ADCY2: variants seen among roughly 807,000 people sequenced by gnomAD.
The protein encoded by ADCY2 is adenylate cyclase 2, also known as adenylate cyclase type 2.
ADCY2 carries 31 observed loss-of-function variants against 125.2 expected under a neutral mutation model. The observed-to-expected ratio is 0.25, with a 90% confidence interval of 0.19 to 0.33. The LOEUF (loss-of-function observed/expected upper bound fraction) is 0.33. Among genes scored for constraint, ADCY2 ranks in the 10% least tolerant of loss-of-function variants. The pLI, the probability that ADCY2 is intolerant of heterozygous loss-of-function variation, is 1.00. For synonymous variants in ADCY2, 512 were observed against 548.4 expected (o/e 0.93, Z 0.93); for missense variants, 904 against 1,418.2 (o/e 0.64, Z 5.82).
chr5:7,488,920 A>G (rs1479420784), intron 2 of ADCY2, among the ~76,000 whole-genome samples: 1 of 152,198 alleles, frequency 6.6e-6, no homozygotes, highest in Non-Finnish European at 1.5e-5. Context: ...CGAGGGACCC[A>G]TGAATGAGCC....
At chr5:7,528,559 G>T (rs1734546953) in intron 3 of ADCY2, among the ~76,000 whole-genome samples, 1 of 152,098 alleles carries the variant, frequency 6.6e-6, no homozygotes, top group Non-Finnish European at 1.5e-5. Context: ...TAAAAAAGAA[G>T]AATTTATTTA....
chr5:7,805,728 G>A (rs1744740467), intron 22 of ADCY2, among the ~76,000 whole-genome samples: 1 of 152,318 alleles, frequency 6.6e-6, no homozygotes, highest in African/African-American at 2.4e-5. Context: ...GAGAGAGGCA[G>A]CAGGCACCAT....
intron 15 of ADCY2, among the ~76,000 whole-genome samples, chr5:7,748,870 A>G (rs1056514626): frequency 6.6e-6 from 1 of 152,208 alleles, no homozygotes; most frequent in African/African-American, 2.4e-5. Context: ...TTGACAGTTT[A>G]ATAGAACCGG....
intron 2 of ADCY2, among the ~76,000 whole-genome samples, chr5:7,439,057 T>C (rs547087511): frequency 3.3e-5 from 5 of 152,350 alleles, no homozygotes; most frequent in African/African-American, 1.2e-4. Flanking sequence ...ATTTCTCTGT[T>C]GTTGGTGTGA....
intron 17 of ADCY2, among the ~76,000 whole-genome samples, chr5:7,771,875 G>A (rs1211259132): frequency 1.3e-5 from 2 of 152,176 alleles, no homozygotes; most frequent in African/African-American, 2.4e-5. Context: ...TAAGATCTAT[G>A]TTTTATTAAA....
intron 11 of ADCY2, among the ~76,000 whole-genome samples, chr5:7,714,763 C>G (rs993739243): frequency 3.9e-5 from 6 of 152,242 alleles, no homozygotes; most frequent in Admixed American, 3.9e-4. Flanking sequence ...AGTTCTGAGT[C>G]AGACTTACCC....
intron 3 of ADCY2, among the ~76,000 whole-genome samples, chr5:7,597,025 G>A (rs1561117014): frequency 6.6e-6 from 1 of 152,206 alleles, no homozygotes; most frequent in East Asian, 1.9e-4. Flanking sequence ...CACTTTTTGA[G>A]CTCCTGTAAG....
intron 2 of ADCY2, among the ~76,000 whole-genome samples, chr5:7,507,099 G>A (rs982882567): frequency 6.6e-6 from 1 of 151,322 alleles, no homozygotes; most frequent in Non-Finnish European, 1.5e-5. Flanking sequence ...CACGCGGGAG[G>A]GCTTGTGTTC....
chr5:7,741,352 C>G (rs150486154), intron 14 of ADCY2, among the ~76,000 whole-genome samples: 2 of 152,168 alleles, frequency 1.3e-5, no homozygotes, highest in African/African-American at 4.8e-5. Context: ...TCCTCAACTT[C>G]CCTGTGTATC....
intron 3 of ADCY2, among the ~76,000 whole-genome samples, chr5:7,531,863 G>A (rs1319861232): frequency 1.3e-5 from 2 of 152,178 alleles, no homozygotes; most frequent in South Asian, 4.1e-4. Flanking sequence ...ACTTTTGAGC[G>A]AGTCTACTTT....
intron 4 of ADCY2, among the ~76,000 whole-genome samples, chr5:7,656,642 G>A (rs143298867): frequency 2.0e-5 from 3 of 152,254 alleles, no homozygotes; most frequent in South Asian, 4.1e-4. Context: ...CATAGCACTC[G>A]AACCAGAGTA....
intron 3 of ADCY2, chr5:7,522,279 TC>T (rs1744471991): frequency 6.6e-6 from 1 of 152,230 alleles, no homozygotes; most frequent in Admixed American, 6.5e-5. Flanking sequence ...GTACATTACA[TC>T]CCCAGCACTT....
intron 22 of ADCY2, among the ~76,000 whole-genome samples, chr5:7,808,201 A>G (rs1744814827): frequency 6.6e-6 from 1 of 151,892 alleles, no homozygotes; most frequent in Admixed American, 6.6e-5. Flanking sequence ...TCCTTTCTTC[A>G]CTGTTTGCTA....
intron 15 of ADCY2, among the ~76,000 whole-genome samples, chr5:7,750,019 G>C (rs182767196): frequency 4.7e-4 from 72 of 152,216 alleles, no homozygotes; most frequent in Admixed American, 9.2e-4. Context: ...AAAGGATATA[G>C]GTTTTAGGTG....
intron 2 of ADCY2, among the ~76,000 whole-genome samples, chr5:7,457,489 G>C (rs1741727798): frequency 6.6e-6 from 1 of 152,124 alleles, no homozygotes; most frequent in Non-Finnish European, 1.5e-5. Flanking sequence ...CGCATTCAAG[G>C]CCTCAGAAGC....
At chr5:7,510,709 C>T (rs982428897) in intron 2 of ADCY2, among the ~76,000 whole-genome samples, 1 of 152,188 alleles carries the variant, frequency 6.6e-6, no homozygotes, top group Non-Finnish European at 1.5e-5. Context: ...GATGGTGCAG[C>T]TCTCCAGGTA....
intron 22 of ADCY2, among the ~76,000 whole-genome samples, chr5:7,816,581 T>C (rs970104513): frequency 3.9e-5 from 6 of 152,250 alleles, no homozygotes; most frequent in African/African-American, 1.4e-4. Flanking sequence ...ATTTCTGGAC[T>C]AATACGATAC....
At position 7,695,732 on chromosome 5, in the gene ADCY2, C is replaced by A. The variant is rs11134251; in HGVS notation, c.870-20C>A. The A allele has an allele frequency of 0.48, 726,177 of 1,505,020 alleles. 180,485 individuals are homozygous for A. The highest frequency in any genetic ancestry group is 0.82 in the East Asian group (35,534 of 43,390). The allele number at this position is 1,505,020 out of a possible 1,614,324, so 93.2% of individuals were successfully genotyped here. ...TATAAACTGGAAAACTCTGTCTCCT[C>A]ACCTCCTTTCTTCCCACAGCATCTT... is the stretch of plus-strand genomic sequence containing the variant. On this transcript the variant is annotated intron_variant, in intron 5 of 24. Coordinates refer to ENST00000338316, the MANE Select transcript of ADCY2 (RefSeq NM_020546.3).
chr5:7,722,960 CAAAAAAAAAAAAA>C (rs60426818), intron 12 of ADCY2, among the ~76,000 whole-genome samples: 4 of 51,632 alleles, frequency 7.7e-5, no homozygotes, highest in South Asian at 2.0e-3. Flanking sequence ...AACTCCATCT[CAAAAAAAAAAAAA>C]AAAAAAAAAA....
Sources: allele counts gnomAD v4.1 joint callset (sites outside exome capture counted in the v4.1 genomes callset), GRCh38; gene constraint gnomAD v4.1.1; transcripts MANE v1.5; gene names NCBI Gene and HGNC (gene_info 2026-07-23, HGNC 2026-07-21).